Variants in SLC9A3 observed in about 807,000 individuals in gnomAD.
The protein encoded by SLC9A3 is sodium/hydrogen exchanger 3.
In SLC9A3, 37 loss-of-function variants were observed where a neutral mutation model predicts 86.8. The observed-to-expected ratio is 0.43, with a 90% CI of 0.33 to 0.56. The LOEUF is 0.56. Among genes scored for constraint, SLC9A3 ranks in the 20% least tolerant of loss-of-function variants. The pLI is 0.06. For synonymous variants in SLC9A3, 581 were observed against 528.3 expected, an observed-to-expected ratio of 1.10 and a Z score of -1.37; for missense variants, 1,011 against 1,171.9, an observed-to-expected ratio of 0.86 and a Z score of 2.00.
intron 3 of SLC9A3, among the ~76,000 whole-genome samples, chr5:485,634 C>T (rs1328482624): frequency 3.3e-5 from 5 of 152,278 alleles, no homozygotes; most frequent in Non-Finnish European, 4.4e-5. Flanking sequence ...CTTAGCCCGG[C>T]AAAACCCAGA....
intron 16 of SLC9A3, among the ~76,000 whole-genome samples, chr5:473,681 A>G (rs74579320): frequency 0.029 from 4,385 of 152,268 alleles, 95 homozygotes; most frequent in Middle Eastern, 0.061. Context: ...CGGGAGGTCA[A>G]GGTCCCCAAG....
chr5:508,865 T>C (rs1326542347), intron 1 of SLC9A3, among the ~76,000 whole-genome samples: 1 of 152,094 alleles, frequency 6.6e-6, no homozygotes, highest in Non-Finnish European at 1.5e-5. Flanking sequence ...TCCCAGCACT[T>C]TGGGAGGCTA....
rs1437766776 is a variant in SLC9A3 at position 485,217 on chromosome 5, C to T, written c.690G>A (p.Val230=). The T allele has an allele frequency of 1.2e-6, 2 of 1,613,828 alleles. No individual in the cohort carries two copies. Among genetic ancestry groups the T allele is most frequent in the Non-Finnish European group, 1.7e-6 (2 of 1,179,986 alleles). ...NDAVTVVLYN[V]FESFVALGGD... is the part of the protein sequence containing the mutation. ...CTCCCAGCGCCACGAAAGATTCAAA[C>T]ACATTGTACAGAACCTGCAGGGAAA... The change falls in exon 4 of 17, where the codon GTG becomes GTA. Residue 230 remains valine, a synonymous_variant. Transcript: ENST00000264938.
rs774976513 is a variant in SLC9A3 at position 479,824 on chromosome 5, C to T, written c.1647+12G>A. 3.7e-6 allele frequency: 6 copies of T among 1,612,266 alleles called. No homozygotes were observed. The highest frequency in any genetic ancestry group is 2.7e-5 in the African/African-American group (2 of 74,930). ...TGCAGCCCCGACCCGGCAGAGCAAG[C>T]GGCTCTGCTACCTCAGCCACGTAGC... On this transcript the variant is annotated intron_variant, in intron 10 of 16. Transcript: ENST00000264938.
In SLC9A3 at chr5:491,533, A is replaced by G. The variant is rs969955912; in HGVS notation, c.514+236T>C. Among the ~76,000 whole-genome samples, 3 of 151,654 alleles carry G rather than the reference A, an allele frequency of 2.0e-5. No individual in the cohort carries two copies. Among genetic ancestry groups the G allele is most frequent in the Non-Finnish European group, 2.9e-5 (2 of 67,870 alleles). ...AGCCCCTGGCCACCTGCAGCCCCCA[A>G]GCCGAGCTGCCGAGATGGGAACTCC... On this transcript the variant is annotated intron_variant, in intron 2 of 16. Transcript: ENST00000264938. The surrounding 1 kb of genome is among the most constrained non-coding windows in gnomAD (Gnocchi z 9.2).
chr5:512,711 G>A (rs1733593675), intron 1 of SLC9A3, among the ~76,000 whole-genome samples: 1 of 152,100 alleles, frequency 6.6e-6, no homozygotes, highest in South Asian at 2.1e-4. Flanking sequence ...CCCCGAAGCT[G>A]TTGGGGGGGC....
chr5:481,546 G>A lies in SLC9A3; in HGVS notation c.1517+19C>T. On this transcript the variant is annotated intron_variant, in intron 9 of 16. Transcript: ENST00000264938. Reference sequence around the variant, plus strand: ...AAGCCGGGCTGTGCGACACCGCCGGGGCCGTCCCAGCCACTTACTTGTCTC... The same window carrying A: ...AAGCCGGGCTGTGCGACACCGCCGGAGCCGTCCCAGCCACTTACTTGTCTC... The A allele has an allele frequency of 1.9e-6, 3 of 1,606,216 alleles. No homozygotes were observed. The highest frequency in any genetic ancestry group is 2.6e-6 in the Non-Finnish European group (3 of 1,172,910).
intron 10 of SLC9A3, chr5:478,691 T>TGG: frequency 6.5e-6 from 1 of 154,728 alleles, no homozygotes; most frequent in Non-Finnish European, 1.5e-5. Context: ...GTCACCTATG[T>TGG]GGGGGTGAGG....
intron 1 of SLC9A3, among the ~76,000 whole-genome samples, chr5:493,434 G>A (rs893569466): frequency 1.3e-5 from 2 of 152,258 alleles, no homozygotes; most frequent in Admixed American, 1.3e-4. Context: ...CGACTGCGTG[G>A]CCCTGACGAG....
intron 1 of SLC9A3, among the ~76,000 whole-genome samples, chr5:513,867 T>G (rs1321220949): frequency 6.6e-6 from 1 of 152,236 alleles, no homozygotes; most frequent in African/African-American, 2.4e-5. Flanking sequence ...CTCCCATTTG[T>G]CAGCACCTCT....
intron 1 of SLC9A3, among the ~76,000 whole-genome samples, chr5:498,285 C>A (rs927708516): frequency 2.0e-5 from 3 of 152,146 alleles, no homozygotes; most frequent in African/African-American, 7.2e-5. Flanking sequence ...GACTCACATT[C>A]CGGCCATTTC....
In SLC9A3 at chr5:472,971, G is replaced by A. The variant is rs866603545; in HGVS notation, c.*408C>T. The A allele has an allele frequency of 5.5e-5, 29 of 525,510 alleles. No individual in the cohort carries two copies. The Middle Eastern group carries it at 2.2e-3, about 40-fold the overall frequency. 32.6% of individuals were successfully genotyped at this position (525,510 alleles called of 1,614,324 possible). A position where few individuals can be genotyped will look rare whatever the true frequency, so the allele number is the denominator to read the frequency against. On this transcript the variant is annotated 3_prime_UTR_variant, in exon 17 of 17. Transcript: ENST00000264938. Reference sequence around the variant, plus strand: ...CCCTTCCCGCCGGCGGCGTCACAGCGGCGTCTCCTCCTGCTCCAGCGCGTG... The same window carrying A: ...CCCTTCCCGCCGGCGGCGTCACAGCAGCGTCTCCTCCTGCTCCAGCGCGTG...
chr5:519,524 C>A (rs910097092), intron 1 of SLC9A3, among the ~76,000 whole-genome samples: 15 of 152,204 alleles, frequency 9.9e-5, no homozygotes, highest in Non-Finnish European at 1.6e-4. Flanking sequence ...TGGGAGAAAT[C>A]CACAGCTTAG....
rs73040782 is a variant in SLC9A3 at position 472,521 on chromosome 5, C to T, written c.*858G>A. 184 of 339,990 alleles carry T rather than the reference C, an allele frequency of 5.4e-4. No homozygotes were observed. Among genetic ancestry groups the T allele is most frequent in the African/African-American group, 3.8e-3 (169 of 44,466 alleles). 21.1% of individuals were successfully genotyped at this position (339,990 alleles called of 1,614,324 possible). On this transcript the variant is annotated 3_prime_UTR_variant, in exon 17 of 17. Coordinates refer to ENST00000264938, the MANE Select transcript of SLC9A3 (RefSeq NM_004174.4). ...CCGCGCCAGGTGCGACAGCTCAGGC[C>T]GGAGACCTCGTCTGTGGGGACGGGC...
chr5:493,410 C>T (rs939989768), intron 1 of SLC9A3, among the ~76,000 whole-genome samples: 1 of 152,260 alleles, frequency 6.6e-6, no homozygotes, highest in Non-Finnish European at 1.5e-5. Flanking sequence ...GCAGTGGCCA[C>T]GTCCCACCCT....
chr5:473,892 C>G (rs1196927136), intron 16 of SLC9A3, among the ~76,000 whole-genome samples: 1 of 152,252 alleles, frequency 6.6e-6, no homozygotes, highest in African/African-American at 2.4e-5. Flanking sequence ...TCTGGCTTCC[C>G]CCAGCCCTGC....
intron 15 of SLC9A3, 164 bp from the exon 16 acceptor site, chr5:475,296 C>T (rs1738648591): frequency 2.9e-6 from 2 of 684,414 alleles, no homozygotes; most frequent in Admixed American, 2.9e-5. Flanking sequence ...ACATCCATGA[C>T]CCCACACGCC....
intron 2 of SLC9A3, among the ~76,000 whole-genome samples, chr5:488,701 G>C (rs1290517561): frequency 1.3e-5 from 2 of 152,268 alleles, no homozygotes; most frequent in Non-Finnish European, 2.9e-5. Context: ...AAGACAGACA[G>C]ACAGACTGAC....
rs1738491489 is a variant in SLC9A3, at chr5:473,210, G to A, written c.*169C>T. ...CGGGCGGCTCTGCGGGCGCAGGCGCGGCACTCTCGGAGTTCTGCGCAGGCG... is the reference window on the plus strand; with the variant it reads ...CGGGCGGCTCTGCGGGCGCAGGCGCAGCACTCTCGGAGTTCTGCGCAGGCG... On this transcript the variant is annotated 3_prime_UTR_variant, in exon 17 of 17. Coordinates refer to ENST00000264938, the MANE Select transcript of SLC9A3 (RefSeq NM_004174.4). 1 of 673,074 alleles carries A rather than the reference G, an allele frequency of 1.5e-6. No homozygotes were observed. The highest frequency in any genetic ancestry group is 3.8e-5 in the East Asian group (1 of 26,582). 41.7% of individuals were successfully genotyped at this position (673,074 alleles called of 1,614,324 possible). A position where few individuals can be genotyped will look rare whatever the true frequency, so the allele number is the denominator to read the frequency against.
Sources: gnomAD v4.1 joint callset for allele counts (sites outside exome capture counted in the v4.1 genomes callset) on GRCh38, gnomAD v4.1.1 for gene constraint, Gnocchi (gnomAD v3.1) non-coding constraint, MANE v1.5 for transcripts, NCBI Gene and HGNC (gene_info 2026-07-23, HGNC 2026-07-21) for gene names.